The following TUSC3 variants were observed in gnomAD, a reference collection of about 807,000 sequenced individuals.
TUSC3 encodes the protein tumor suppressor candidate 3.
TUSC3 carries 45 observed loss-of-function variants against 44.8 expected under a neutral mutation model. The ratio of observed to expected loss-of-function variants is 1.00; its 90% CI spans 0.79 to 1.29. The LOEUF is 1.29. Ranked by LOEUF, TUSC3 falls within the 50% of genes most tolerant of loss-of-function variation. The pLI is 0.00. For missense variants in TUSC3, 519 were observed against 437.9 expected (o/e 1.19, Z -1.65); for synonymous variants, 212 against 152.9 (o/e 1.39, Z -2.85).
At chr8:15,614,838 A>G (rs1009363691) in intron 1 of TUSC3, among the ~76,000 whole-genome samples, 11 of 151,970 alleles carry the variant, frequency 7.2e-5, no homozygotes, top group African/African-American at 2.7e-4. Context: ...TTTATATATG[A>G]AACAGACTCC....
At chr8:15,453,923 G>A (rs1273250066) in intron 1 of TUSC3, among the ~76,000 whole-genome samples, 1 of 152,170 alleles carries the variant, frequency 6.6e-6, no homozygotes, top group African/African-American at 2.4e-5. Flanking sequence ...TTCCCATTAA[G>A]ATCTCAGGAG....
At chr8:15,627,678 G>A (rs912982843) in intron 2 of TUSC3, among the ~76,000 whole-genome samples, 1 of 152,220 alleles carries the variant, frequency 6.6e-6, no homozygotes, top group African/African-American at 2.4e-5. Context: ...GCATTCCCCA[G>A]TGCTGGCCGG....
chr8:15,748,550 T>A, intron 9 of TUSC3, 85 bp downstream of exon 9: 1 of 1,248,734 alleles, frequency 8.0e-7, no homozygotes, highest in Non-Finnish European at 1.2e-6. Flanking sequence ...TAAGGATGAA[T>A]GTAAAGTTGC....
chr8:15,783,103 A>G, the TUSC3 span, among the ~76,000 whole-genome samples: 1 of 152,222 alleles, frequency 6.6e-6, no homozygotes, highest in Non-Finnish European at 1.5e-5. Context: ...AATTCCACTT[A>G]CAATAGCATT....
At chr8:15,481,356 G>A (rs58204809) in intron 1 of TUSC3, among the ~76,000 whole-genome samples, 5,282 of 151,688 alleles carry the variant, frequency 0.035, 166 homozygotes, top group Middle Eastern at 0.088. Flanking sequence ...ATTCATTATT[G>A]AGGTAGCAGC....
intron 7 of TUSC3, chr8:15,733,510 TC>T: frequency 3.5e-6 from 1 of 286,780 alleles, no homozygotes. Flanking sequence ...GCAGGAATTC[TC>T]CAAGGTTTAA....
the TUSC3 span, among the ~76,000 whole-genome samples, chr8:15,824,841 G>A: frequency 6.6e-6 from 1 of 152,258 alleles, no homozygotes; most frequent in South Asian, 2.1e-4. Flanking sequence ...CAACCTGTCA[G>A]TTCTCCCAAG....
At chr8:15,842,446 G>A in the TUSC3 span, among the ~76,000 whole-genome samples, 5 of 152,132 alleles carry the variant, frequency 3.3e-5, no homozygotes, top group Non-Finnish European at 7.3e-5. Flanking sequence ...TGTTTTTCAT[G>A]TCTCTATTTA....
the TUSC3 span, among the ~76,000 whole-genome samples, chr8:15,826,491 G>A: frequency 1.4e-4 from 21 of 152,128 alleles, no homozygotes; most frequent in African/African-American, 4.6e-4. Context: ...ACTATTTAGA[G>A]AAAACACTAC....
intron 2 of TUSC3, among the ~76,000 whole-genome samples, chr8:15,634,063 G>C (rs986111584): frequency 1.3e-5 from 2 of 152,176 alleles, no homozygotes; most frequent in Admixed American, 6.5e-5. Flanking sequence ...ATAAACACTT[G>C]AAGGTCTCTT....
intron 2 of TUSC3, among the ~76,000 whole-genome samples, chr8:15,534,657 A>G (rs1197488734): frequency 6.6e-6 from 1 of 151,776 alleles, no homozygotes; most frequent in African/African-American, 2.4e-5. Flanking sequence ...AAAAAAAAAA[A>G]AAAAACTTCA....
chr8:15,650,393 G>A (rs1053505697), intron 2 of TUSC3, among the ~76,000 whole-genome samples: 1 of 152,094 alleles, frequency 6.6e-6, no homozygotes. Flanking sequence ...GCTAGGCTTT[G>A]TGATACATGT....
At chr8:15,834,705 G>T in the TUSC3 span, among the ~76,000 whole-genome samples, 1 of 151,948 alleles carries the variant, frequency 6.6e-6, no homozygotes, top group Admixed American at 6.6e-5. Context: ...AATTCATTCA[G>T]TATTCTGTTG....
At chr8:15,718,696 C>T (rs1036646261) in intron 6 of TUSC3, among the ~76,000 whole-genome samples, 4 of 152,000 alleles carry the variant, frequency 2.6e-5, no homozygotes, top group Admixed American at 1.3e-4. Context: ...CTTTAATTTT[C>T]ATAAACTTAG....
At chr8:15,534,234 G>T (rs1346451203) in intron 2 of TUSC3, among the ~76,000 whole-genome samples, 1 of 151,962 alleles carries the variant, frequency 6.6e-6, no homozygotes, top group Non-Finnish European at 1.5e-5. Context: ...AATAACTTTT[G>T]GCATTATTTA....
intron 3 of TUSC3, among the ~76,000 whole-genome samples, chr8:15,651,801 G>A (rs1416535981): frequency 6.6e-6 from 1 of 152,204 alleles, no homozygotes; most frequent in Non-Finnish European, 1.5e-5. Context: ...TCTCTATAGA[G>A]CAAGGTATTA....
At chr8:15,505,251 C>G (rs182048453) in intron 2 of TUSC3, among the ~76,000 whole-genome samples, 2 of 152,144 alleles carry the variant, frequency 1.3e-5, no homozygotes, top group African/African-American at 4.8e-5. Context: ...TCCTTCCAAA[C>G]AAGAAGGCTT....
chr8:15,739,393 G>A (rs1811090814), intron 7 of TUSC3, among the ~76,000 whole-genome samples: 1 of 152,192 alleles, frequency 6.6e-6, no homozygotes, highest in South Asian at 2.1e-4. Flanking sequence ...ATGATTTGCT[G>A]AGGTTTTTGA....
chr8:15,466,372 C>G (rs565834566), intron 1 of TUSC3, among the ~76,000 whole-genome samples: 11 of 152,108 alleles, frequency 7.2e-5, no homozygotes, highest in Non-Finnish European at 1.5e-4. Flanking sequence ...AATTACATGA[C>G]TTTCTATACC....
Sources: gnomAD v4.1 joint callset for allele counts (sites outside exome capture counted in the v4.1 genomes callset) on GRCh38, gnomAD v4.1.1 for gene constraint, MANE v1.5 for transcripts, NCBI Gene and HGNC (gene_info 2026-07-23, HGNC 2026-07-21) for gene names.